Variants in STOX2 observed in about 807,000 individuals in gnomAD.
STOX2 encodes storkhead-box protein 2.
STOX2 carries 28 observed loss-of-function variants against 60.9 expected under a neutral mutation model. That is an observed-to-expected ratio of 0.46 (90% confidence interval 0.34 to 0.63). STOX2 has a LOEUF of 0.63. STOX2 is among the 30% of genes least tolerant of loss of function. The probability of loss-of-function intolerance (pLI) is 0.01; values close to 1 mark genes in which losing one functional copy is unlikely to be tolerated. For synonymous variants in STOX2, 472 were observed against 463.9 expected (o/e 1.02, Z -0.22); for missense variants, 1,024 against 1,187.7 (o/e 0.86, Z 2.03).
chr4:183,854,797 A>G lies in STOX2; in HGVS notation c.364+56742A>G, dbSNP rs545571509. Among the ~76,000 whole-genome samples the G allele has an allele frequency of 2.1e-4, 32 of 152,338 alleles. No homozygotes were observed. The Middle Eastern group carries it at 0.017, about 81-fold the overall frequency. On this transcript the variant is annotated intron_variant, in intron 1 of 2. Transcript: ENST00000513034. ...AATGACAGATTGGAGAAGTCAGCCA[A>G]TTATCGCTTAGTGCTTTTCTATCCA...
intron 1 of STOX2, among the ~76,000 whole-genome samples, chr4:183,999,431 G>A: frequency 6.6e-6 from 1 of 152,156 alleles, no homozygotes; most frequent in South Asian, 2.1e-4. Context: ...CCTGGCTTCT[G>A]CTGATTTTTC....
At chr4:183,977,627 T>C (rs1360742331) in intron 1 of STOX2, among the ~76,000 whole-genome samples, 2 of 151,884 alleles carry the variant, frequency 1.3e-5, no homozygotes, top group East Asian at 3.9e-4. Context: ...TCTTTCCTCT[T>C]GTGAGTAGTG....
intron 1 of STOX2, among the ~76,000 whole-genome samples, chr4:183,916,302 T>C (rs1560880541): frequency 6.6e-6 from 1 of 152,200 alleles, no homozygotes; most frequent in Non-Finnish European, 1.5e-5. Context: ...ATCCTTGAGT[T>C]GCTCAGTGTA....
intron 1 of STOX2, chr4:183,798,191 C>CG (rs1579277666): frequency 1.1e-6 from 1 of 879,364 alleles, no homozygotes; most frequent in African/African-American, 1.8e-5. Flanking sequence ...GCGTCCCTGC[C>CG]GGGGGAGGAG....
At position 184,005,474 on chromosome 4, in the gene STOX2, A is replaced by AAAAAAAAAAAAAAC. The variant is rs58443213; in HGVS notation, c.320-3682_320-3681insAAAAAAAAAAACAA. ...CGATATCTCAAAAAAAAAAAAAAAAAAATTCATAGGTATAAGTAGACCACA... is the reference window on the plus strand; with the variant it reads ...CGATATCTCAAAAAAAAAAAAAAAAAAAAAAAAAAAAAACAATTCATAGGTATAAGTAGACCACA... On this transcript the variant is annotated intron_variant, in intron 2 of 3. Transcript: ENST00000308497. 2.4e-4 allele frequency among the ~76,000 whole-genome samples: 29 copies of AAAAAAAAAAAAAAC among 120,116 alleles called. 2 individuals carry two copies. The highest frequency in any genetic ancestry group is 6.0e-3 in the Middle Eastern group (1 of 168). The allele number at this position is 120,116 out of a possible 152,430, so 78.8% of individuals were successfully genotyped here.
chr4:183,973,855 G>A (rs557836377), intron 1 of STOX2, among the ~76,000 whole-genome samples: 14 of 152,156 alleles, frequency 9.2e-5, no homozygotes, highest in Admixed American at 2.6e-4. Flanking sequence ...TTAGCTGGGC[G>A]TGGTGGCGCA....
intron 1 of STOX2, among the ~76,000 whole-genome samples, chr4:183,949,527 A>G (rs951516067): frequency 9.2e-5 from 14 of 151,942 alleles, no homozygotes; most frequent in Non-Finnish European, 1.6e-4. Context: ...ATGAAACCCC[A>G]TCTCTACTAA....
chr4:183,915,556 GC>G (rs1419185553), intron 1 of STOX2, among the ~76,000 whole-genome samples: 5 of 152,136 alleles, frequency 3.3e-5, no homozygotes, highest in African/African-American at 1.2e-4. Flanking sequence ...CTGCGAATAT[GC>G]CCTTATTTGG....
chr4:183,999,312 G>A (rs147385651), intron 1 of STOX2, among the ~76,000 whole-genome samples: 32 of 152,158 alleles, frequency 2.1e-4, no homozygotes, highest in Non-Finnish European at 4.3e-4. Context: ...ACTCGGTCTC[G>A]CCTGCTACTG....
At chr4:183,931,022 T>G (rs1009557690) in intron 1 of STOX2, among the ~76,000 whole-genome samples, 6 of 152,170 alleles carry the variant, frequency 3.9e-5, no homozygotes, top group Admixed American at 1.3e-4. Flanking sequence ...CTGTCATGTT[T>G]GTTCTTGTTA....
intron 1 of STOX2, among the ~76,000 whole-genome samples, chr4:183,847,576 T>TA (rs1740016480): frequency 6.6e-6 from 1 of 152,190 alleles, no homozygotes; most frequent in Admixed American, 6.5e-5. Flanking sequence ...AGATCTGCTC[T>TA]CCTTCCAGCA....
At chr4:183,834,414 A>G (rs1010898755) in intron 1 of STOX2, among the ~76,000 whole-genome samples, 7 of 152,106 alleles carry the variant, frequency 4.6e-5, no homozygotes, top group African/African-American at 1.7e-4. Context: ...CAACCTGGCA[A>G]TCTTTGTTGT....
At chr4:183,905,223 C>G (rs1049504803), upstream of STOX2, 1 of 152,256 alleles carries the variant, frequency 6.6e-6, no homozygotes, top group Non-Finnish European at 1.5e-5. Flanking sequence ...CCGGGCCCAG[C>G]GCCCAGGCCC....
In STOX2 at chr4:183,971,471, GGT is replaced by G. The variant is rs531844612; in HGVS notation, c.167-29852_167-29851del. Among the ~76,000 whole-genome samples the G allele has an allele frequency of 6.6e-5, 10 of 152,300 alleles. No individual in the cohort carries two copies. In the East Asian group the frequency reaches 1.9e-3, roughly 29 times the overall value. On this transcript the variant is annotated intron_variant, in intron 1 of 3. Coordinates refer to ENST00000308497, the MANE Select transcript of STOX2 (RefSeq NM_020225.3). ...AGCTCATTAGTACCTCTGGCCAGAG[GGT>G]GGACTTGAGGAAAGAGAGGACAGCA...
intron 1 of STOX2, among the ~76,000 whole-genome samples, chr4:183,813,168 G>A (rs996545007): frequency 1.3e-5 from 2 of 152,134 alleles, no homozygotes; most frequent in Non-Finnish European, 2.9e-5. Context: ...CAGATCACTT[G>A]AGGTCAGGAG....
Position 184,011,630 on chromosome 4 carries a change from G to C in STOX2, c.2585+207G>C. The C allele has an allele frequency of 6.6e-7, 1 of 1,513,942 alleles. No individual in the cohort carries two copies. Among genetic ancestry groups the C allele is most frequent in the Non-Finnish European group, 8.8e-7 (1 of 1,134,960 alleles). The allele number at this position is 1,513,942 out of a possible 1,614,324, so 93.8% of individuals were successfully genotyped here. On this transcript the variant is annotated intron_variant, in intron 3 of 3. Coordinates refer to ENST00000308497, the MANE Select transcript of STOX2 (RefSeq NM_020225.3). The surrounding 1 kb of genome is among the most constrained non-coding windows in gnomAD (Gnocchi z 4.4). ...CTGCACCTGTAGAGATCACCAATCT[G>C]GACTGGTGGGTTGGCTCCTCCCCTC...
intron 1 of STOX2, among the ~76,000 whole-genome samples, chr4:183,879,868 C>T (rs1740915825): frequency 6.6e-6 from 1 of 151,932 alleles, no homozygotes; most frequent in Non-Finnish European, 1.5e-5. Context: ...CAATGAGAGG[C>T]GATAGTACGA....
chr4:184,021,733 C>T lies in STOX2; in HGVS notation c.*4449C>T, dbSNP rs1426596101. 2 of 152,228 alleles carry T rather than the reference C, an allele frequency of 1.3e-5. No homozygotes were observed. 9.4% of individuals were successfully genotyped at this position (152,228 alleles called of 1,614,324 possible). A position where few individuals can be genotyped will look rare whatever the true frequency, so the allele number is the denominator to read the frequency against. ...AGTGCTGCTTGGCACCATAGAAAAT[C>T]AGTACAATATATCGAGCCCTACTTT... On this transcript the variant is annotated 3_prime_UTR_variant, in exon 4 of 4. Transcript: ENST00000308497.
intron 1 of STOX2, among the ~76,000 whole-genome samples, chr4:183,935,327 C>A (rs1171314510): frequency 1.3e-5 from 2 of 152,200 alleles, no homozygotes; most frequent in Admixed American, 6.5e-5. Context: ...GAGGGTATCA[C>A]CCTGTTGACC....
Sources: allele counts gnomAD v4.1 joint callset (sites outside exome capture counted in the v4.1 genomes callset), GRCh38; gene constraint gnomAD v4.1.1; non-coding constraint Gnocchi (gnomAD v3.1); transcripts MANE v1.5; gene names NCBI Gene and HGNC (gene_info 2026-07-23, HGNC 2026-07-21).